Variants in HNF4A observed in about 807,000 individuals in gnomAD.
HNF4A encodes the protein hepatocyte nuclear factor 4 alpha, also known as hepatocyte nuclear factor 4-alpha.
A neutral mutation model predicts 52.4 loss-of-function variants in HNF4A; 15 were observed. The observed-to-expected ratio is 0.29, with a 90% CI of 0.19 to 0.44. The LOEUF (loss-of-function observed/expected upper bound fraction) is 0.44, where lower values mean the gene tolerates loss of function less well. Among genes scored for constraint, HNF4A ranks in the 20% least tolerant of loss-of-function variants. The pLI is 1.00. For missense variants in HNF4A, 479 were observed against 647.2 expected (o/e 0.74, Z 2.82); for synonymous variants, 280 against 264.4 (o/e 1.06, Z -0.57).
Position 44,429,864 on chromosome 20 carries a change from G to T in HNF4A, c.*199G>T. 3.3e-6 allele frequency: 2 copies of T among 609,048 alleles called. No homozygotes were observed. The highest frequency in any genetic ancestry group is 5.5e-5 in the East Asian group (2 of 36,136). 37.7% of individuals were successfully genotyped at this position (609,048 alleles called of 1,614,324 possible). On this transcript the variant is annotated 3_prime_UTR_variant, in exon 10 of 10. Transcript: ENST00000316099. ...CTTGACGCCCTGCTCTGGATAACAA[G>T]ACTTTGACTTGGGGAGACCTCTACT... is the stretch of plus-strand genomic sequence containing the variant.
intron 1 of HNF4A, chr20:44,402,721 A>AG (rs752215097): frequency 1.1e-6 from 1 of 881,994 alleles, no homozygotes; most frequent in Non-Finnish European, 1.6e-6. Flanking sequence ...CTCAGAGGAG[A>AG]GGGGGCAGGC....
intron 1 of HNF4A, among the ~76,000 whole-genome samples, chr20:44,358,806 G>C (rs1289395229): frequency 6.6e-6 from 1 of 152,096 alleles, no homozygotes; most frequent in Non-Finnish European, 1.5e-5. Context: ...CAAATGGAAG[G>C]ATCCATGAGT....
At chr20:44,380,519 C>T (rs6073421) in intron 1 of HNF4A, among the ~76,000 whole-genome samples, 49,284 of 152,036 alleles carry the variant, frequency 0.32, 8,294 homozygotes, top group South Asian at 0.41. Context: ...GTCTTAAACT[C>T]CTGAGCTCAA....
rs35365632 is a variant in HNF4A, at chr20:44,366,960, G to T, written c.49+11107G>T. Among the ~76,000 whole-genome samples, 37 of 152,138 alleles carry T rather than the reference G, an allele frequency of 2.4e-4. No homozygotes were observed. In the South Asian group the frequency reaches 2.5e-3, roughly 10 times the overall value. ...ATCAGAAGGCCCAGATCTGGGACCCGGCTCATTTGTTTTCTAGCACTAGGT... is the reference window on the plus strand; with the variant it reads ...ATCAGAAGGCCCAGATCTGGGACCCTGCTCATTTGTTTTCTAGCACTAGGT... On this transcript the variant is annotated intron_variant, in intron 1 of 9. Coordinates refer to the HNF4A transcript ENST00000316673.
In HNF4A at chr20:44,429,702, C is replaced by G; in HGVS notation, c.*37C>G. The G allele has an allele frequency of 6.2e-7, 1 of 1,609,294 alleles. No individual in the cohort carries two copies. Among genetic ancestry groups the G allele is most frequent in the Non-Finnish European group, 8.5e-7 (1 of 1,175,802 alleles). Reference sequence around the variant, plus strand: ...GGCTTGGGGGCTCCACTGGCTCCCCCCAGCCCCCTAAGAGAGCACCTGGTG... The same window carrying G: ...GGCTTGGGGGCTCCACTGGCTCCCCGCAGCCCCCTAAGAGAGCACCTGGTG... On this transcript the variant is annotated 3_prime_UTR_variant, in exon 10 of 10. Coordinates refer to ENST00000316099, the MANE Select transcript of HNF4A (RefSeq NM_000457.6).
chr20:44,401,154 G>C, upstream of HNF4A: 2 of 1,410,520 alleles, frequency 1.4e-6, no homozygotes, highest in South Asian at 1.5e-5. Flanking sequence ...CCTATCCACC[G>C]GCGGGGGACC....
intron 7 of HNF4A, among the ~76,000 whole-genome samples, chr20:44,423,134 T>G (rs1356787952): frequency 6.6e-6 from 1 of 151,960 alleles, no homozygotes; most frequent in Non-Finnish European, 1.5e-5. Flanking sequence ...CTGACCAGCA[T>G]GGTGAAACCC....
At chr20:44,422,457 T>A (rs2063759338) in intron 7 of HNF4A, among the ~76,000 whole-genome samples, 1 of 152,100 alleles carries the variant, frequency 6.6e-6, no homozygotes, top group Admixed American at 6.6e-5. Flanking sequence ...GACAGCCCAC[T>A]AGAAATGTGG....
At position 44,432,310 on chromosome 20, in the gene HNF4A, T is replaced by C. The variant is rs1210471612; in HGVS notation, c.*2645T>C. 2.7e-5 allele frequency: 4 copies of C among 147,266 alleles called. No homozygotes were observed. Among genetic ancestry groups the C allele is most frequent in the African/African-American group, 7.4e-5 (3 of 40,640 alleles). The allele number at this position is 147,266 out of a possible 1,614,324, so 9.1% of individuals were successfully genotyped here. A position where few individuals can be genotyped will look rare whatever the true frequency, so the allele number is the denominator to read the frequency against. The stretch of plus-strand genomic sequence containing the variant: ...AAAACAAAGTTTACTTTTTTGACTC[T>C]AAGCTGACATGATATTAGAAAATCT... On this transcript the variant is annotated 3_prime_UTR_variant, in exon 10 of 10. Transcript: ENST00000316099.
upstream of HNF4A, among the ~76,000 whole-genome samples, chr20:44,400,013 T>C (rs569948923): frequency 1.0e-3 from 159 of 152,224 alleles, no homozygotes; most frequent in African/African-American, 3.0e-3. Context: ...TTCCCCAGAT[T>C]GATTGGCAGC....
intron 1 of HNF4A, among the ~76,000 whole-genome samples, chr20:44,386,328 C>T (rs1014648274): frequency 1.9e-4 from 29 of 151,900 alleles, no homozygotes; most frequent in Middle Eastern, 3.4e-3. Context: ...CTACCACGCT[C>T]GGCTAATTTT....
rs2063794577 is a variant in HNF4A, at chr20:44,424,631, G to T, written c.1129+377G>T. 3 of 1,393,836 alleles carry T rather than the reference G, an allele frequency of 2.2e-6. No individual in the cohort carries two copies. In the South Asian group the frequency reaches 4.5e-5, roughly 21 times the overall value. 86.3% of individuals were successfully genotyped at this position (1,393,836 alleles called of 1,614,324 possible). A position where few individuals can be genotyped will look rare whatever the true frequency, so the allele number is the denominator to read the frequency against. Reference sequence around the variant, plus strand: ...CATTTTATGATTTTGAAATAAACAGGTAATATGATAGAGTTTAACTGAAAA... The same window carrying T: ...CATTTTATGATTTTGAAATAAACAGTTAATATGATAGAGTTTAACTGAAAA... On this transcript the variant is annotated intron_variant, in intron 8 of 9. Transcript: ENST00000316099.
Position 44,392,284 on chromosome 20 carries a change from T to C in HNF4A, c.50-13774T>C, listed in dbSNP as rs78578848. 6.3e-4 allele frequency among the ~76,000 whole-genome samples: 96 copies of C among 152,304 alleles called. 1 individual carries two copies. In the East Asian group the frequency reaches 0.017, roughly 27 times the overall value. ...GAGGAAACGATCATCATTCCCTCTT[T>C]ACAGATGGGAAAACTGAGCCTCGCT... On this transcript the variant is annotated intron_variant, in intron 1 of 9. Coordinates refer to the HNF4A transcript ENST00000316673.
intron 1 of HNF4A, among the ~76,000 whole-genome samples, chr20:44,386,337 T>C (rs2063223797): frequency 6.6e-6 from 1 of 151,792 alleles, no homozygotes; most frequent in South Asian, 2.1e-4. Flanking sequence ...TCGGCTAATT[T>C]TGTATTTTTA....
intron 1 of HNF4A, among the ~76,000 whole-genome samples, chr20:44,395,024 G>A (rs749290368): frequency 2.6e-5 from 4 of 152,172 alleles, no homozygotes; most frequent in South Asian, 2.1e-4. Flanking sequence ...TCTTCCTCTC[G>A]GAAATACTCC....
chr20:44,359,790 T>C (rs1268244351), intron 1 of HNF4A, among the ~76,000 whole-genome samples: 1 of 148,328 alleles, frequency 6.7e-6, no homozygotes, highest in Non-Finnish European at 1.5e-5. Flanking sequence ...CACTGTGTTA[T>C]AGGAGAACAA....
At chr20:44,399,797 T>A (rs565979883), upstream of HNF4A, among the ~76,000 whole-genome samples, 4 of 152,230 alleles carry the variant, frequency 2.6e-5, no homozygotes, top group Admixed American at 6.5e-5. Context: ...ATTCACTCAC[T>A]CCTAATTCAC....
rs1365994589 is a variant in HNF4A at position 44,430,311 on chromosome 20, T to C, written c.*646T>C. On this transcript the variant is annotated 3_prime_UTR_variant, in exon 10 of 10. Coordinates refer to ENST00000316099, the MANE Select transcript of HNF4A (RefSeq NM_000457.6). ...CCAGGCAGGGTCTAGAAGGCTGTGG[T>C]GAGGGAAGACGCCTTTCTCCTCCAA... 6.6e-6 allele frequency: 1 copy of C among 152,422 alleles called. No homozygotes were observed. Among genetic ancestry groups the C allele is most frequent in the Non-Finnish European group, 1.5e-5 (1 of 68,174 alleles). The allele number at this position is 152,422 out of a possible 1,614,324, so 9.4% of individuals were successfully genotyped here. A position where few individuals can be genotyped will look rare whatever the true frequency, so the allele number is the denominator to read the frequency against.
chr20:44,390,199 C>T (rs1371504847), intron 1 of HNF4A, among the ~76,000 whole-genome samples: 1 of 152,144 alleles, frequency 6.6e-6, no homozygotes, highest in East Asian at 1.9e-4. Context: ...TTAAGGATTA[C>T]AATGCCAATA....
Sources: allele counts gnomAD v4.1 joint callset (sites outside exome capture counted in the v4.1 genomes callset), GRCh38; gene constraint gnomAD v4.1.1; transcripts MANE v1.5; gene names NCBI Gene and HGNC (gene_info 2026-07-23, HGNC 2026-07-21).